The following ADNP2 variants were observed in gnomAD, a reference collection of about 807,000 sequenced individuals.
The protein encoded by ADNP2 is ADNP homeobox 2.
Under a neutral mutation model 16.4 loss-of-function variants are expected in ADNP2, and 8 were observed. That is an observed-to-expected ratio of 0.49 (90% CI 0.29 to 0.88). The LOEUF (loss-of-function observed/expected upper bound fraction) is 0.88. Among genes scored for constraint, ADNP2 ranks in the 40% least tolerant of loss-of-function variants. ADNP2 has a pLI of 0.09. For synonymous variants in ADNP2, 637 were observed against 545.8 expected, an observed-to-expected ratio of 1.17 and a Z score of -2.33; for missense variants, 1,397 against 1,395.1, an observed-to-expected ratio of 1.00 and a Z score of -0.02.
intron 2 of ADNP2, among the ~76,000 whole-genome samples, chr18:80,125,501 G>C (rs1275760909): frequency 6.6e-6 from 1 of 152,142 alleles, no homozygotes; most frequent in Non-Finnish European, 1.5e-5. Flanking sequence ...AAATTAGCCA[G>C]GCTTGGTGGC....
At chr18:80,110,713 T>C (rs1331112506) in intron 1 of ADNP2, among the ~76,000 whole-genome samples, 1 of 152,196 alleles carries the variant, frequency 6.6e-6, no homozygotes, top group African/African-American at 2.4e-5. Flanking sequence ...TGTATTAATA[T>C]TTCGGTTAAA....
chr18:80,113,034 G>A lies in ADNP2; in HGVS notation c.-14+3562G>A, dbSNP rs543051228. Among the ~76,000 whole-genome samples the A allele has an allele frequency of 1.3e-4, 20 of 152,316 alleles. No individual in the cohort carries two copies. In the South Asian group the frequency reaches 3.7e-3, roughly 28 times the overall value. On this transcript the variant is annotated intron_variant, in intron 1 of 3. Transcript: ENST00000262198. ...GAAAGCAGCTAACAAAATTTTCGTT[G>A]AGTTTTGCTCTGACCAAAGAAGCTG...
intron 2 of ADNP2, among the ~76,000 whole-genome samples, chr18:80,128,912 C>T (rs1020218878): frequency 6.6e-6 from 1 of 151,894 alleles, no homozygotes; most frequent in Non-Finnish European, 1.5e-5. Flanking sequence ...TCAGAAGTTG[C>T]CACCATTAAC....
chr18:80,139,515 C>T lies in ADNP2; in HGVS notation c.*706C>T, dbSNP rs750508720. 4.6e-5 allele frequency: 7 copies of T among 152,224 alleles called. No homozygotes were observed. The highest frequency in any genetic ancestry group is 1.0e-4 in the Non-Finnish European group (7 of 67,988). The allele number at this position is 152,224 out of a possible 1,614,324, so 9.4% of individuals were successfully genotyped here. The stretch of plus-strand genomic sequence containing the variant: ...AGCTCATACATCAAGAGTTATTTTA[C>T]AAATAAATTTATTCTGTAGATGCAG... On this transcript the variant is annotated 3_prime_UTR_variant, in exon 4 of 4. Transcript: ENST00000262198.
rs149816340 is a variant in ADNP2 at position 80,134,267 on chromosome 18, G to C, written c.198+1075G>C. ...CCAGTTACTCAGGAGGCTGAGGCAG[G>C]AGAATCGCTTGAACCGGGATGGCGT... On this transcript the variant is annotated intron_variant, in intron 3 of 3. Transcript: ENST00000262198. Among the ~76,000 whole-genome samples, 709 of 152,240 alleles carry C rather than the reference G, an allele frequency of 4.7e-3. 8 individuals carry two copies. Among genetic ancestry groups the C allele is most frequent in the South Asian group, 0.017 (82 of 4,822 alleles).
chr18:80,112,644 C>G (rs1017446292), intron 1 of ADNP2, among the ~76,000 whole-genome samples: 5 of 152,180 alleles, frequency 3.3e-5, no homozygotes, highest in African/African-American at 9.6e-5. Context: ...AAGCCTTGAA[C>G]AAGTAACCAC....
chr18:80,118,608 T>A (rs1384265842), intron 2 of ADNP2, among the ~76,000 whole-genome samples: 1 of 152,160 alleles, frequency 6.6e-6, no homozygotes, highest in Admixed American at 6.5e-5. Context: ...TCTTTTAAGG[T>A]GGAATTCTGT....
chr18:80,127,427 G>T (rs569607140), intron 2 of ADNP2, among the ~76,000 whole-genome samples: 1 of 136,922 alleles, frequency 7.3e-6, no homozygotes, highest in South Asian at 2.3e-4. Flanking sequence ...TCTTTTCTTC[G>T]GCAGCATCTA....
intron 2 of ADNP2, among the ~76,000 whole-genome samples, chr18:80,122,317 T>G (rs1163865464): frequency 6.6e-6 from 1 of 152,234 alleles, no homozygotes; most frequent in Non-Finnish European, 1.5e-5. Context: ...TTCAGTATTG[T>G]TCTGGCTTTT....
At chr18:80,131,513 G>T (rs943375942) in intron 2 of ADNP2, among the ~76,000 whole-genome samples, 1 of 151,220 alleles carries the variant, frequency 6.6e-6, no homozygotes, top group Admixed American at 6.6e-5. Flanking sequence ...AAGACGAATG[G>T]ATTGAACAAT....
chr18:80,117,763 G>A, intron 2 of ADNP2, 113 bp downstream of exon 2: 1 of 734,194 alleles, frequency 1.4e-6, no homozygotes, highest in Non-Finnish European at 2.2e-6. Context: ...TCAGATGGCT[G>A]TGTGAAAGCC....
intron 3 of ADNP2, among the ~76,000 whole-genome samples, chr18:80,134,416 TGTGA>T (rs765896380): frequency 2.1e-4 from 30 of 146,268 alleles, no homozygotes; most frequent in Admixed American, 1.8e-3. Flanking sequence ...TGTGTGTGTG[TGTGA>T]GAGAGAGTGA....
At chr18:80,126,065 C>G (rs1208866823) in intron 2 of ADNP2, among the ~76,000 whole-genome samples, 3 of 151,416 alleles carry the variant, frequency 2.0e-5, no homozygotes, top group Non-Finnish European at 4.4e-5. Context: ...TTTTACTTGT[C>G]TCATCTGTTC....
At chr18:80,132,702 C>G (rs1307461279) in intron 2 of ADNP2, among the ~76,000 whole-genome samples, 6 of 149,046 alleles carry the variant, frequency 4.0e-5, no homozygotes, top group African/African-American at 1.5e-4. Context: ...CCCCTCCCCT[C>G]TCCCCTCTCC....
intron 2 of ADNP2, among the ~76,000 whole-genome samples, chr18:80,121,972 AG>A (rs2052428215): frequency 6.6e-6 from 1 of 151,876 alleles, no homozygotes; most frequent in Admixed American, 6.6e-5. Flanking sequence ...GTTGGAGTGC[AG>A]TGACATGATC....
chr18:80,135,693 C>T lies in ADNP2; in HGVS notation c.280C>T (p.Arg94Cys), dbSNP rs780554301. 10 of 1,614,050 alleles carry T rather than the reference C, an allele frequency of 6.2e-6. No homozygotes were observed. The highest frequency in any genetic ancestry group is 2.7e-5 in the African/African-American group (2 of 74,916). Reference sequence around the variant, plus strand: ...TACTTCATTCAAGAATCATTTACATCGTTACCATGAAGATGAAATTGACCA... The same window carrying T: ...TACTTCATTCAAGAATCATTTACATTGTTACCATGAAGATGAAATTGACCA... ...VLTSFKNHLHRYHEDEIDQEL... is the reference protein window; with the variant it reads ...VLTSFKNHLHCYHEDEIDQEL... The change falls in exon 4 of 4, where the codon CGT (arginine) becomes TGT (cysteine). Residue 94 changes from arginine to cysteine, a missense_variant. Arg to Cys is a radical substitution (Grantham distance 180). Around this residue, in one of 3 missense-constraint regions of ADNP2, gnomAD observed 777 missense variants for 719.4 expected, o/e 1.08. Transcript: ENST00000262198.
Position 80,135,651 on chromosome 18 carries a change from T to TA in ADNP2, c.239dup (p.Tyr80Ter). ...GCCATACTGTTGTGGCCTCTGTAAA[T>TA]ACTCTACAAAGGTGCTTACTTCATT... ...TKPYCCGLCK[Y>*]STKVLTSFKN... Residue 80 changes from tyrosine (Y) to a stop codon, truncating the protein, a stop_gained and frameshift_variant, in exon 4 of 4, where the codon TAC becomes TAAC. Coordinates refer to ENST00000262198, the MANE Select transcript of ADNP2 (RefSeq NM_014913.4). LOFTEE classifies it low-confidence loss of function (END_TRUNC). The TA allele has an allele frequency of 6.2e-7, 1 of 1,614,192 alleles. No homozygotes were observed.
In ADNP2 at chr18:80,109,304, G is replaced by A. The variant is rs1450692754; in HGVS notation, c.-182G>A. On this transcript the variant is annotated 5_prime_UTR_variant, in exon 1 of 4. Transcript: ENST00000262198. ...TCTTTCTGGCTGCGCGGGAGGAGGG[G>A]ACCAGTCGCGCTGGGGGTGGGCGCG... 1 of 151,470 alleles carries A rather than the reference G, an allele frequency of 6.6e-6. No homozygotes were observed. Among genetic ancestry groups the A allele is most frequent in the Non-Finnish European group, 1.5e-5 (1 of 67,852 alleles). The allele number at this position is 151,470 out of a possible 1,614,324, so 9.4% of individuals were successfully genotyped here.
At chr18:80,133,824 C>T (rs1159527013) in intron 3 of ADNP2, 1 of 152,200 alleles carries the variant, frequency 6.6e-6, no homozygotes, top group Non-Finnish European at 1.5e-5. Flanking sequence ...AGTAATTAGT[C>T]GTTGTCAGAA....
Sources: allele counts gnomAD v4.1 joint callset (sites outside exome capture counted in the v4.1 genomes callset), GRCh38; gene constraint gnomAD v4.1.1; regional missense constraint gnomAD v4.1.1; transcripts MANE v1.5; gene names NCBI Gene and HGNC (gene_info 2026-07-23, HGNC 2026-07-21).